The following CSNK1G3 variants were observed in gnomAD, a reference collection of about 807,000 sequenced individuals.
CSNK1G3 encodes the protein casein kinase 1 gamma 3, also known as casein kinase I isoform gamma-3.
A neutral mutation model predicts 64.3 loss-of-function variants in CSNK1G3; 23 were observed. That is an observed-to-expected ratio of 0.36 (90% CI 0.26 to 0.51). The LOEUF (loss-of-function observed/expected upper bound fraction) is 0.51. Ranked by LOEUF, CSNK1G3 falls within the 20% of genes least tolerant of loss-of-function variation. CSNK1G3 has a pLI of 0.96. For missense variants in CSNK1G3, 357 were observed against 510.5 expected, an observed-to-expected ratio of 0.70 and a Z score of 2.90; for synonymous variants, 158 against 162.2, an observed-to-expected ratio of 0.97 and a Z score of 0.20.
At chr5:123,593,624 T>G (rs1792859364) in intron 10 of CSNK1G3, among the ~76,000 whole-genome samples, 1 of 152,108 alleles carries the variant, frequency 6.6e-6, no homozygotes, top group African/African-American at 2.4e-5. Flanking sequence ...TTCTTTGATC[T>G]TGTCTAGACT....
chr5:123,616,598 A>G (rs908663901), exon 13 of CSNK1G3: 2 of 152,594 alleles, frequency 1.3e-5, no homozygotes, highest in African/African-American at 2.4e-5. Context: ...GGTCAATAAT[A>G]GGTAATGCAG....
intron 1 of CSNK1G3, among the ~76,000 whole-genome samples, chr5:123,533,598 T>G (rs1265354974): frequency 1.3e-5 from 2 of 151,708 alleles, no homozygotes; most frequent in African/African-American, 4.8e-5. Context: ...TTTCTTTATT[T>G]TTTAATGTCT....
chr5:123,515,805 C>T (rs571226646), intron 1 of CSNK1G3, among the ~76,000 whole-genome samples: 1 of 152,214 alleles, frequency 6.6e-6, no homozygotes, highest in South Asian at 2.1e-4. Context: ...TTCCCTTCAA[C>T]CTCCCAGTAA....
At chr5:123,555,807 T>G (rs1784511082) in intron 3 of CSNK1G3, among the ~76,000 whole-genome samples, 2 of 151,700 alleles carry the variant, frequency 1.3e-5, no homozygotes, top group African/African-American at 2.4e-5. Context: ...TAAGGGGGAG[T>G]AGTGATTGAA....
intron 4 of CSNK1G3, among the ~76,000 whole-genome samples, chr5:123,559,469 G>A (rs530690820): frequency 1.3e-5 from 2 of 152,176 alleles, no homozygotes; most frequent in African/African-American, 4.8e-5. Flanking sequence ...CATCTTTTAG[G>A]ACTTGTATGC....
chr5:123,581,643 T>C (rs1041735154), intron 6 of CSNK1G3, among the ~76,000 whole-genome samples: 3 of 151,816 alleles, frequency 2.0e-5, no homozygotes, highest in Non-Finnish European at 4.4e-5. Context: ...AGTGAACTGT[T>C]CCTGTGTATT....
chr5:123,559,945 C>G (rs977204848), intron 4 of CSNK1G3, among the ~76,000 whole-genome samples: 1 of 151,916 alleles, frequency 6.6e-6, no homozygotes, highest in African/African-American at 2.4e-5. Context: ...ATTTATATAG[C>G]AATTTGCTTG....
chr5:123,535,704 A>G (rs1312598395), intron 1 of CSNK1G3, among the ~76,000 whole-genome samples: 4 of 152,154 alleles, frequency 2.6e-5, no homozygotes, highest in African/African-American at 9.7e-5. Flanking sequence ...TTCTTGACTC[A>G]TGAATGATAT....
chr5:123,562,646 C>T (rs2150501844), intron 4 of CSNK1G3, among the ~76,000 whole-genome samples: 1 of 152,010 alleles, frequency 6.6e-6, no homozygotes, highest in East Asian at 1.9e-4. Context: ...AATACAATTT[C>T]AAATTTTTAA....
At chr5:123,512,782 G>A (rs1333604314) in intron 1 of CSNK1G3, among the ~76,000 whole-genome samples, 3 of 151,430 alleles carry the variant, frequency 2.0e-5, no homozygotes, top group African/African-American at 4.8e-5. Flanking sequence ...AGGGGGCCGC[G>A]GTCGGAGGCT....
chr5:123,538,202 G>T (rs528321004), intron 1 of CSNK1G3, among the ~76,000 whole-genome samples: 123 of 152,184 alleles, frequency 8.1e-4, no homozygotes, highest in African/African-American at 3.0e-3. Context: ...TCTAAGAGTG[G>T]CATTGCTAGG....
At chr5:123,512,960 G>A (rs113847327) in intron 1 of CSNK1G3, among the ~76,000 whole-genome samples, 40 of 152,186 alleles carry the variant, frequency 2.6e-4, no homozygotes, top group African/African-American at 9.6e-4. Flanking sequence ...GTCGCCCACG[G>A]TGCTCCTTGA....
At chr5:123,531,594 A>C (rs1779948924) in intron 1 of CSNK1G3, among the ~76,000 whole-genome samples, 1 of 152,044 alleles carries the variant, frequency 6.6e-6, no homozygotes, top group Admixed American at 6.6e-5. Context: ...AAAGCAAATA[A>C]ATTATTTATA....
chr5:123,612,053 A>T (rs142968931), intron 12 of CSNK1G3, among the ~76,000 whole-genome samples: 2 of 152,320 alleles, frequency 1.3e-5, no homozygotes, highest in African/African-American at 4.8e-5. Context: ...GTACTGTGGC[A>T]GCTCTTCTCT....
chr5:123,578,233 T>C (rs537870258), intron 6 of CSNK1G3, among the ~76,000 whole-genome samples: 3 of 152,080 alleles, frequency 2.0e-5, no homozygotes, highest in East Asian at 3.9e-4. Flanking sequence ...TATAAGAAAC[T>C]GCCTGTCTGT....
intron 6 of CSNK1G3, among the ~76,000 whole-genome samples, chr5:123,581,209 CAGGG>C (rs1197687664): frequency 6.6e-6 from 1 of 151,148 alleles, no homozygotes; most frequent in African/African-American, 2.4e-5. Context: ...CTTGATGTTT[CAGGG>C]TATAGTTTTT....
chr5:123,522,063 C>T (rs1032770956), intron 1 of CSNK1G3, among the ~76,000 whole-genome samples: 9 of 151,906 alleles, frequency 5.9e-5, no homozygotes, highest in Non-Finnish European at 1.3e-4. Context: ...TTTTATTTTC[C>T]AACTGTCTTT....
intron 1 of CSNK1G3, among the ~76,000 whole-genome samples, chr5:123,513,557 G>T (rs1424763287): frequency 6.6e-6 from 1 of 152,074 alleles, no homozygotes; most frequent in African/African-American, 2.4e-5. Context: ...CTTTAAATTA[G>T]AGAATTAAAA....
At chr5:123,605,771 A>G (rs765650412) in intron 12 of CSNK1G3, among the ~76,000 whole-genome samples, 7 of 152,246 alleles carry the variant, frequency 4.6e-5, no homozygotes, top group Non-Finnish European at 8.8e-5. Flanking sequence ...TAGTATCACT[A>G]AAACAGTATT....
Sources: gnomAD v4.1 joint callset for allele counts (sites outside exome capture counted in the v4.1 genomes callset) on GRCh38, gnomAD v4.1.1 for gene constraint, MANE v1.5 for transcripts, NCBI Gene and HGNC (gene_info 2026-07-23, HGNC 2026-07-21) for gene names.